ZCWPW2: variants seen among roughly 807,000 people sequenced by gnomAD.
ZCWPW2 encodes the protein zinc finger CW-type PWWP domain protein 2.
A neutral mutation model predicts 46.6 loss-of-function variants in ZCWPW2; 45 were observed. The ratio of observed to expected loss-of-function variants is 0.96; its 90% CI spans 0.76 to 1.24. The LOEUF (loss-of-function observed/expected upper bound fraction) is 1.24. Among genes scored for constraint, ZCWPW2 ranks in the 50% most tolerant of loss-of-function variants. ZCWPW2 has a pLI of 0.00. For synonymous variants in ZCWPW2, 152 were observed against 137.1 expected, an observed-to-expected ratio of 1.11 and a Z score of -0.76; for missense variants, 429 against 403.9, an observed-to-expected ratio of 1.06 and a Z score of -0.53.
intron 2 of ZCWPW2, among the ~76,000 whole-genome samples, chr3:28,393,629 T>C (rs1695582333): frequency 6.6e-6 from 1 of 152,092 alleles, no homozygotes; most frequent in African/African-American, 2.4e-5. Flanking sequence ...GCAAAGATGG[T>C]TCAACATATG....
At chr3:28,397,086 A>AGG (rs1695730599) in intron 2 of ZCWPW2, among the ~76,000 whole-genome samples, 1 of 151,948 alleles carries the variant, frequency 6.6e-6, no homozygotes, top group Non-Finnish European at 1.5e-5. Context: ...ACAAGATCAC[A>AGG]TCACTGCACT....
At chr3:28,420,308 G>T (rs187533990) in intron 3 of ZCWPW2, among the ~76,000 whole-genome samples, 53 of 152,096 alleles carry the variant, frequency 3.5e-4, no homozygotes, top group Admixed American at 1.9e-3. Flanking sequence ...ACACTGCTTT[G>T]AATGTGTCCC....
chr3:28,517,351 T>C (rs1700602863), intron 8 of ZCWPW2, among the ~76,000 whole-genome samples: 1 of 152,212 alleles, frequency 6.6e-6, no homozygotes, highest in South Asian at 2.1e-4. Flanking sequence ...GCAAGCTTTC[T>C]AGGAAGCATG....
chr3:28,437,230 A>G (rs1385134599), intron 4 of ZCWPW2, among the ~76,000 whole-genome samples: 1 of 152,218 alleles, frequency 6.6e-6, no homozygotes, highest in East Asian at 1.9e-4. Flanking sequence ...AAACCAGATG[A>G]AGAATGATAG....
intron 4 of ZCWPW2, among the ~76,000 whole-genome samples, chr3:28,462,432 G>A (rs1261427327): frequency 6.6e-6 from 1 of 152,198 alleles, no homozygotes; most frequent in Non-Finnish European, 1.5e-5. Context: ...CTGAAGAGCA[G>A]TGATCTGCCC....
chr3:28,510,819 A>T (rs6777813), intron 6 of ZCWPW2, among the ~76,000 whole-genome samples: 103,520 of 152,038 alleles, frequency 0.68, 35,354 homozygotes, highest in Admixed American at 0.76. Flanking sequence ...AAGGAAAGTC[A>T]AGGATCTTCC....
chr3:28,486,113 G>T (rs1049634045), intron 5 of ZCWPW2, among the ~76,000 whole-genome samples: 2 of 151,942 alleles, frequency 1.3e-5, no homozygotes, highest in African/African-American at 4.8e-5. Flanking sequence ...ACTTTTTGGT[G>T]GTTGCCCTAG....
chr3:28,499,062 A>C (rs1183197628), intron 6 of ZCWPW2, among the ~76,000 whole-genome samples: 1 of 151,940 alleles, frequency 6.6e-6, no homozygotes, highest in Non-Finnish European at 1.5e-5. Flanking sequence ...GGGCATTTGG[A>C]TTGGTTGCAA....
intron 4 of ZCWPW2, among the ~76,000 whole-genome samples, chr3:28,452,759 A>T (rs1326698514): frequency 6.6e-6 from 1 of 152,218 alleles, no homozygotes; most frequent in African/African-American, 2.4e-5. Context: ...TTAAATATAT[A>T]GTCAAATTAT....
chr3:28,461,783 AAAAC>A (rs2125788753), intron 4 of ZCWPW2: 2 of 152,358 alleles, frequency 1.3e-5, no homozygotes, highest in African/African-American at 4.8e-5. Flanking sequence ...ATAAATAAGA[AAAAC>A]AGTATAGTAT....
chr3:28,398,457 A>C (rs186587399), intron 2 of ZCWPW2, among the ~76,000 whole-genome samples: 19 of 152,264 alleles, frequency 1.2e-4, no homozygotes, highest in African/African-American at 4.3e-4. Context: ...TGCAGCTTCA[A>C]CTCGGATGGA....
intron 1 of ZCWPW2, among the ~76,000 whole-genome samples, chr3:28,367,506 G>C (rs1337651323): frequency 6.6e-6 from 1 of 152,206 alleles, no homozygotes; most frequent in Non-Finnish European, 1.5e-5. Context: ...TGTCGTCTGA[G>C]AGACAGTTTG....
At chr3:28,506,960 T>A (rs1700294627) in intron 6 of ZCWPW2, among the ~76,000 whole-genome samples, 1 of 152,172 alleles carries the variant, frequency 6.6e-6, no homozygotes, top group Admixed American at 6.5e-5. Flanking sequence ...TTTTTTGGCA[T>A]CATTTAACAA....
intron 8 of ZCWPW2, among the ~76,000 whole-genome samples, chr3:28,520,097 C>A (rs1054369567): frequency 6.6e-6 from 1 of 151,256 alleles, no homozygotes; most frequent in African/African-American, 2.4e-5. Context: ...CTACGCCTCC[C>A]GGATTCACGC....
At chr3:28,514,345 T>C (rs372303253) in intron 7 of ZCWPW2, among the ~76,000 whole-genome samples, 2 of 151,814 alleles carry the variant, frequency 1.3e-5, no homozygotes, top group Admixed American at 6.6e-5. Context: ...CATAACTTCA[T>C]AAACACATAA....
chr3:28,441,941 C>T (rs1575139622), intron 4 of ZCWPW2, among the ~76,000 whole-genome samples: 4 of 152,156 alleles, frequency 2.6e-5, no homozygotes, highest in African/African-American at 9.7e-5. Flanking sequence ...ATCCTGGAGG[C>T]CTCCACTGTG....
At chr3:28,431,995 A>G (rs1385888182) in intron 3 of ZCWPW2, among the ~76,000 whole-genome samples, 2 of 152,148 alleles carry the variant, frequency 1.3e-5, no homozygotes, top group Admixed American at 6.5e-5. Context: ...GCCCCTTATA[A>G]AAGCATCAGA....
chr3:28,492,485 A>G (rs116579828), intron 6 of ZCWPW2, among the ~76,000 whole-genome samples: 12 of 152,206 alleles, frequency 7.9e-5, no homozygotes, highest in Non-Finnish European at 1.5e-4. Flanking sequence ...TTCATATACT[A>G]TATTACTCTA....
At chr3:28,473,385 G>A (rs574725062) in intron 4 of ZCWPW2, among the ~76,000 whole-genome samples, 36 of 152,118 alleles carry the variant, frequency 2.4e-4, no homozygotes, top group Non-Finnish European at 4.7e-4. Context: ...TGAGGCAGGA[G>A]AATTGCTTAA....
Sources: allele counts gnomAD v4.1 joint callset (sites outside exome capture counted in the v4.1 genomes callset), GRCh38; gene constraint gnomAD v4.1.1; transcripts MANE v1.5; gene names NCBI Gene and HGNC (gene_info 2026-07-23, HGNC 2026-07-21).